The following ACER2 variants were observed in gnomAD, a reference collection of about 807,000 sequenced individuals.
ACER2 encodes alkCDase 2.
Under a neutral mutation model 34.7 loss-of-function variants are expected in ACER2, and 26 were observed. That is an observed-to-expected ratio of 0.75 (90% CI 0.55 to 1.04). The LOEUF (loss-of-function observed/expected upper bound fraction) is 1.04, where lower values mean the gene tolerates loss of function less well. Ranked by LOEUF, ACER2 falls within the 50% of genes least tolerant of loss-of-function variation. The pLI is 0.00. For missense variants in ACER2, 352 were observed against 340.8 expected (o/e 1.03, Z -0.26); for synonymous variants, 138 against 132.1 (o/e 1.04, Z -0.31).
chr9:19,432,101 A>G (rs1237838609), intron 3 of ACER2, among the ~76,000 whole-genome samples: 1 of 152,242 alleles, frequency 6.6e-6, no homozygotes, highest in East Asian at 1.9e-4. Context: ...TCACGTCGCC[A>G]CTTCCGGCTC....
chr9:19,423,868 A>C lies in ACER2; in HGVS notation c.115A>C (p.Asn39His). ...AIAEFYNTIS[N>H]VLFFILPPIC... ...TTACATTTTTTTCCTGCAGATCAGC[A>C]ATGTCTTATTTTTCATTTTACCGCC... The change falls in exon 2 of 6, where the codon AAT becomes CAT. Residue 39 changes from asparagine (N) to histidine (H), a missense_variant. By Grantham distance (68) the Asn-to-His change is moderately conservative. Coordinates refer to ENST00000340967, the MANE Select transcript of ACER2 (RefSeq NM_001010887.3). 6.2e-7 allele frequency: 1 copy of C among 1,612,952 alleles called. No individual in the cohort carries two copies. Among genetic ancestry groups the C allele is most frequent in the Non-Finnish European group, 8.5e-7 (1 of 1,179,066 alleles).
At chr9:19,423,032 C>CA (rs764823366) in intron 1 of ACER2, among the ~76,000 whole-genome samples, 2,980 of 68,780 alleles carry the variant, frequency 0.043, 99 homozygotes, top group African/African-American at 0.12. Flanking sequence ...AACTCTGTCT[C>CA]AAAAAAAAAA....
intron 3 of ACER2, among the ~76,000 whole-genome samples, chr9:19,426,791 G>A (rs1181207654): frequency 3.3e-5 from 5 of 152,086 alleles, no homozygotes; most frequent in African/African-American, 1.2e-4. Flanking sequence ...GCCAGTTGGG[G>A]TGGTGCACGC....
At chr9:19,416,835 A>G (rs1348958111) in intron 1 of ACER2, among the ~76,000 whole-genome samples, 1 of 152,140 alleles carries the variant, frequency 6.6e-6, no homozygotes, top group South Asian at 2.1e-4. Flanking sequence ...TGCCCCGCCT[A>G]AGGGATGGTT....
intron 3 of ACER2, among the ~76,000 whole-genome samples, chr9:19,429,807 A>G (rs932506292): frequency 5.3e-5 from 8 of 152,072 alleles, no homozygotes; most frequent in Non-Finnish European, 1.0e-4. Flanking sequence ...TCTGGGCCTT[A>G]GTGCTTTAGT....
At chr9:19,418,033 C>G (rs1236659574) in intron 1 of ACER2, among the ~76,000 whole-genome samples, 1 of 152,124 alleles carries the variant, frequency 6.6e-6, no homozygotes, top group East Asian at 1.9e-4. Context: ...AAAAAGTGGG[C>G]AAAGGATATG....
At chr9:19,434,181 C>T (rs535463693) in intron 3 of ACER2, among the ~76,000 whole-genome samples, 190 of 150,862 alleles carry the variant, frequency 1.3e-3, no homozygotes, top group Middle Eastern at 6.8e-3. Flanking sequence ...GATGGGCGGC[C>T]GGGCAGAGAC....
At chr9:19,427,905 A>G (rs796845750) in intron 3 of ACER2, among the ~76,000 whole-genome samples, 4 of 152,090 alleles carry the variant, frequency 2.6e-5, no homozygotes, top group African/African-American at 9.6e-5. Context: ...TGCCCTTGTG[A>G]TCTGCCCACA....
chr9:19,432,325 A>G (rs1038978251), intron 3 of ACER2, among the ~76,000 whole-genome samples: 2 of 152,232 alleles, frequency 1.3e-5, no homozygotes. Context: ...TTTCTTTTAA[A>G]CTAGGTTGCT....
In ACER2 at chr9:19,451,737, TGTG is replaced by T. The variant is rs1031500044; in HGVS notation, c.*1106_*1108del. ...AGTTTACCAAAGGGCTCCTCACAAT[TGTG>T]GTGGGGGTTCTGGTTCAAAATTTGG... On this transcript the variant is annotated 3_prime_UTR_variant, in exon 6 of 6. Coordinates refer to ENST00000340967, the MANE Select transcript of ACER2 (RefSeq NM_001010887.3). 6.6e-6 allele frequency: 1 copy of T among 152,272 alleles called. No homozygotes were observed. Among genetic ancestry groups the T allele is most frequent in the South Asian group, 2.1e-4 (1 of 4,824 alleles). 9.4% of individuals were successfully genotyped at this position (152,272 alleles called of 1,614,324 possible). A position where few individuals can be genotyped will look rare whatever the true frequency, so the allele number is the denominator to read the frequency against.
chr9:19,419,856 C>T (rs1391343049), intron 1 of ACER2, among the ~76,000 whole-genome samples: 1 of 152,210 alleles, frequency 6.6e-6, no homozygotes, highest in Non-Finnish European at 1.5e-5. Flanking sequence ...GTATTTCAGA[C>T]CTGGATTTTA....
intron 5 of ACER2, among the ~76,000 whole-genome samples, chr9:19,447,450 T>G (rs1360447469): frequency 6.6e-6 from 1 of 152,196 alleles, no homozygotes; most frequent in African/African-American, 2.4e-5. Context: ...AAGACAAAAT[T>G]CAAACAGCAC....
chr9:19,424,417 G>A, intron 2 of ACER2: 1 of 985,394 alleles, frequency 1.0e-6, no homozygotes, highest in Non-Finnish European at 1.2e-6. Context: ...TTTATTTACT[G>A]CCTCTTCCCA....
chr9:19,418,875 GATC>G (rs1830319053), intron 1 of ACER2, among the ~76,000 whole-genome samples: 2 of 152,140 alleles, frequency 1.3e-5, no homozygotes, highest in Non-Finnish European at 2.9e-5. Flanking sequence ...TAAGGGCTTT[GATC>G]ATAACAATGA....
intron 1 of ACER2, chr9:19,409,670 C>T: frequency 1.1e-6 from 1 of 909,916 alleles, no homozygotes; most frequent in Non-Finnish European, 1.3e-6. Flanking sequence ...GGGTCACTCC[C>T]ACCAGGCAGA....
At chr9:19,417,260 G>C (rs994491854) in intron 1 of ACER2, among the ~76,000 whole-genome samples, 6 of 152,186 alleles carry the variant, frequency 3.9e-5, no homozygotes, top group Non-Finnish European at 7.3e-5. Context: ...CATGCTCATG[G>C]AAAGGAAGAA....
intron 4 of ACER2, among the ~76,000 whole-genome samples, chr9:19,445,068 C>G (rs533607230): frequency 2.0e-5 from 3 of 152,186 alleles, no homozygotes; most frequent in Admixed American, 6.5e-5. Flanking sequence ...TTGCAGATGT[C>G]GTGTTGTATT....
At chr9:19,410,356 C>G (rs918817070) in intron 1 of ACER2, among the ~76,000 whole-genome samples, 1 of 152,174 alleles carries the variant, frequency 6.6e-6, no homozygotes, top group African/African-American at 2.4e-5. Flanking sequence ...GTGCTGAAAT[C>G]CATGGCTGGC....
intron 4 of ACER2, 150 bp from the exon 5 acceptor site, chr9:19,446,131 G>C: frequency 9.1e-7 from 1 of 1,095,872 alleles, no homozygotes; most frequent in Non-Finnish European, 1.4e-6. Flanking sequence ...ACATCCATGA[G>C]ACTGTGGAGT....
Sources: gnomAD v4.1 joint callset for allele counts (sites outside exome capture counted in the v4.1 genomes callset) on GRCh38, gnomAD v4.1.1 for gene constraint, MANE v1.5 for transcripts, NCBI Gene and HGNC (gene_info 2026-07-23, HGNC 2026-07-21) for gene names.